Variants in SART3 observed in about 807,000 individuals in gnomAD.
SART3 encodes the protein HIV-1 Tat-interacting protein of 110kDa.
In SART3, 44 loss-of-function variants were observed where a neutral mutation model predicts 122.3. The ratio of observed to expected loss-of-function variants is 0.36; its 90% CI spans 0.28 to 0.46. The LOEUF (loss-of-function observed/expected upper bound fraction) is 0.46. Ranked by LOEUF, SART3 falls within the 20% of genes least tolerant of loss-of-function variation. The probability of loss-of-function intolerance (pLI) is 1.00; values close to 1 mark genes in which losing one functional copy is unlikely to be tolerated. For synonymous variants in SART3, 442 were observed against 454.0 expected (o/e 0.97, Z 0.34); for missense variants, 1,101 against 1,229.0 (o/e 0.90, Z 1.56).
At chr12:108,543,189 A>T in intron 5 of SART3, 37 bp from the exon 6 acceptor site, 1 of 1,611,654 alleles carries the variant, frequency 6.2e-7, no homozygotes, top group South Asian at 1.1e-5. Flanking sequence ...GGGTCTTGCC[A>T]TTGGGCTTTA....
At chr12:108,554,764 C>T (rs1353161713) in intron 1 of SART3, among the ~76,000 whole-genome samples, 2 of 151,154 alleles carry the variant, frequency 1.3e-5, no homozygotes, top group Admixed American at 6.6e-5. Flanking sequence ...CTATTTAACC[C>T]TGTACTGGAG....
intron 13 of SART3, chr12:108,532,009 G>A (rs1285344583): frequency 1.8e-6 from 1 of 563,384 alleles, no homozygotes; most frequent in African/African-American, 1.9e-5. Context: ...CTGTGCTACA[G>A]TGACATCACA....
chr12:108,561,134 G>A lies in SART3; in HGVS notation c.21C>T (p.Thr7=), dbSNP rs771960914. ...ACTCAGCCTCGGGTTCTGAAGCCGA[G>A]GTTTCGGCCGCAGTCGCCATCTTGC... is the stretch of plus-strand genomic sequence containing the variant. MATAAE[T]SASEPEAESK... is the part of the protein sequence containing the mutation. Residue 7 remains threonine (T), a synonymous_variant, in exon 1 of 19, where the codon ACC becomes ACT. Coordinates refer to ENST00000546815, the MANE Select transcript of SART3 (RefSeq NM_014706.4). The A allele has an allele frequency of 5.6e-6, 9 of 1,613,414 alleles. No individual in the cohort carries two copies. The highest frequency in any genetic ancestry group is 1.3e-5 in the African/African-American group (1 of 75,054).
Position 108,522,997 on chromosome 12 carries a change from A to AC in SART3, c.*459dup, listed in dbSNP as rs1872195447. On this transcript the variant is annotated 3_prime_UTR_variant, in exon 19 of 19. Transcript: ENST00000546815. ...TTTATAGCTGACTTCCCTCAGACCC[A>AC]CCCCCACAAGAGGCCATTCTGTGAA... is the stretch of plus-strand genomic sequence containing the variant. 1.1e-5 allele frequency: 2 copies of AC among 180,934 alleles called. No homozygotes were observed. The highest frequency in any genetic ancestry group is 1.1e-4 in the Admixed American group (2 of 18,432). The allele number at this position is 180,934 out of a possible 1,614,324, so 11.2% of individuals were successfully genotyped here.
At chr12:108,531,148 C>T in intron 14 of SART3, 56 bp downstream of exon 14, 1 of 1,399,322 alleles carries the variant, frequency 7.1e-7, no homozygotes, top group Non-Finnish European at 1.0e-6. Flanking sequence ...ACATCCATAC[C>T]AAACTGAGCC....
chr12:108,530,026 A>C, intron 15 of SART3, 116 bp downstream of exon 15: 1 of 1,188,226 alleles, frequency 8.4e-7, no homozygotes, highest in African/African-American at 1.5e-5. Flanking sequence ...AACAGTGATC[A>C]AAGGGTAATG....
chr12:108,544,429 T>G lies in SART3; in HGVS notation c.779A>C (p.Tyr260Ser). The change falls in exon 5 of 19, where the codon TAT (tyrosine) becomes TCT (serine). Residue 260 changes from tyrosine to serine, a missense_variant and splice_region_variant. Tyr to Ser is a moderately radical substitution (Grantham distance 144). This residue lies in a region of SART3 where 885 missense variants were observed against 1,080.1 expected (regional missense o/e 0.82). Transcript: ENST00000546815. ...LFRRQLAIPL[Y>S]DMEATFAEYE... ...GTTGACATGTCAGTTTCTCTTACCA[T>G]AGAGTGGGATCGCCAACTGTCGCCG... 1.2e-6 allele frequency: 2 copies of G among 1,613,594 alleles called. No homozygotes were observed. The highest frequency in any genetic ancestry group is 1.7e-6 in the Non-Finnish European group (2 of 1,179,478).
chr12:108,531,086 A>C, intron 14 of SART3, 118 bp downstream of exon 14: 1 of 747,668 alleles, frequency 1.3e-6, no homozygotes, highest in East Asian at 2.7e-5. Context: ...ATATTTTATA[A>C]TTAATACTGA....
intron 16 of SART3, 118 bp from the exon 17 acceptor site, chr12:108,525,727 G>C: frequency 9.4e-7 from 1 of 1,068,730 alleles, no homozygotes. Flanking sequence ...CTAGAGCCAA[G>C]CCATGCTCTG....
chr12:108,525,147 C>T (rs1174727123), intron 17 of SART3, among the ~76,000 whole-genome samples: 2 of 152,200 alleles, frequency 1.3e-5, no homozygotes, highest in African/African-American at 2.4e-5. Flanking sequence ...AGGAGGGCGC[C>T]CACCCCAAAG....
At chr12:108,529,968 A>C (rs944520228) in intron 15 of SART3, among the ~76,000 whole-genome samples, 174 bp downstream of exon 15, 3 of 152,180 alleles carry the variant, frequency 2.0e-5, no homozygotes, top group African/African-American at 7.2e-5. Flanking sequence ...TGATGGCTGC[A>C]TTCTAGTCAT....
intron 3 of SART3, among the ~76,000 whole-genome samples, chr12:108,547,099 C>A (rs537144172): frequency 9.4e-4 from 143 of 152,326 alleles, no homozygotes; most frequent in African/African-American, 3.3e-3. Context: ...GGATTACAGG[C>A]GTGAGCCACC....
Position 108,525,461 on chromosome 12 carries a change from G to A in SART3, c.2519C>T (p.Pro840Leu), listed in dbSNP as rs770342282. The A allele has an allele frequency of 6.2e-7, 1 of 1,614,134 alleles. No individual in the cohort carries two copies. Among genetic ancestry groups the A allele is most frequent in the Non-Finnish European group, 8.5e-7 (1 of 1,180,026 alleles). The change falls in exon 17 of 19, where the codon CCA becomes CTA. Residue 840 changes from proline (P) to leucine (L), a missense_variant. By Grantham distance (98) the Pro-to-Leu change is moderately conservative. Coordinates refer to ENST00000546815, the MANE Select transcript of SART3 (RefSeq NM_014706.4). Reference protein sequence around the residue: ...LRLVTNRAGKPKGLAYVEYEN... With the variant: ...LRLVTNRAGKLKGLAYVEYEN... ...ACAATCTGCTCTGACTCTGACCTTT[G>A]GTTTGCCAGCCCGGTTGGTGACCAG...
chr12:108,560,796 A>G (rs771255196), intron 1 of SART3, 47 bp downstream of exon 1: 1 of 1,526,468 alleles, frequency 6.6e-7, no homozygotes. Context: ...TGGGGACCCG[A>G]GGACCTGAAA....
intron 16 of SART3, chr12:108,525,890 T>G: frequency 1.6e-6 from 1 of 622,354 alleles, no homozygotes; most frequent in South Asian, 2.0e-5. Context: ...CACAGTCCCT[T>G]GTCATTGCTA....
chr12:108,537,601 G>A lies in SART3; in HGVS notation c.1202-6C>T. ...CAAAGCTTTCTCGAAGGTTACTGGA[G>A]TTGGAGAAAAGTCAGGATTTGTTAC... On this transcript the variant is annotated splice_region_variant and splice_polypyrimidine_tract_variant and intron_variant, in intron 8 of 18. Transcript: ENST00000546815. 1.2e-6 allele frequency: 2 copies of A among 1,611,846 alleles called. No individual in the cohort carries two copies. Among genetic ancestry groups the A allele is most frequent in the Non-Finnish European group, 1.7e-6 (2 of 1,178,012 alleles).
At chr12:108,553,178 T>C (rs72643411) in intron 1 of SART3, among the ~76,000 whole-genome samples, 6,998 of 152,202 alleles carry the variant, frequency 0.046, 189 homozygotes, top group South Asian at 0.075. Flanking sequence ...CAGAAATAAC[T>C]CAAAATGGAT....
chr12:108,547,393 T>G (rs1345918071), intron 3 of SART3, among the ~76,000 whole-genome samples: 1 of 152,212 alleles, frequency 6.6e-6, no homozygotes, highest in African/African-American at 2.4e-5. Flanking sequence ...TTTCCCATTG[T>G]TCCAAGGTCA....
intron 2 of SART3, 58 bp from the exon 3 acceptor site, chr12:108,548,049 T>C: frequency 7.0e-7 from 1 of 1,434,668 alleles, no homozygotes. Flanking sequence ...GCGCAGGGAC[T>C]TTACCAAGAG....
Sources: allele counts gnomAD v4.1 joint callset (sites outside exome capture counted in the v4.1 genomes callset), GRCh38; gene constraint gnomAD v4.1.1; regional missense constraint gnomAD v4.1.1; transcripts MANE v1.5; gene names NCBI Gene and HGNC (gene_info 2026-07-23, HGNC 2026-07-21).